The following TNNT2 variants were observed in gnomAD, a reference collection of about 807,000 sequenced individuals.
The protein encoded by TNNT2 is troponin T, cardiac muscle.
In TNNT2, 34 loss-of-function variants were observed where a neutral mutation model predicts 62.4. That is an observed-to-expected ratio of 0.54 (90% CI 0.41 to 0.72). TNNT2 has a LOEUF of 0.72. Ranked by LOEUF, TNNT2 falls within the 30% of genes least tolerant of loss-of-function variation. The pLI is 0.00. For synonymous variants in TNNT2, 123 were observed against 127.2 expected, an observed-to-expected ratio of 0.97 and a Z score of 0.22; for missense variants, 275 against 381.9, an observed-to-expected ratio of 0.72 and a Z score of 2.33.
chr1:201,369,751 G>A, intron 5 of TNNT2, 65 bp downstream of exon 5: 2 of 1,608,548 alleles, frequency 1.2e-6, no homozygotes, highest in Non-Finnish European at 1.7e-6. Context: ...AGGGCCCCTG[G>A]ACAAGGAGGC....
chr1:201,366,980 A>C, intron 7 of TNNT2, 109 bp from the exon 8 acceptor site: 1 of 1,582,828 alleles, frequency 6.3e-7, no homozygotes, highest in African/African-American at 1.3e-5. Context: ...CCATCTGCAC[A>C]GTGAGTCCCT....
intron 15 of TNNT2, 28 bp from the exon 16 acceptor site, chr1:201,359,691 G>A (rs765447758): frequency 6.3e-7 from 1 of 1,575,172 alleles, no homozygotes; most frequent in South Asian, 1.2e-5. Context: ...AGGACAAAGA[G>A]CAACGCTGGA....
chr1:201,368,369 G>T (rs1258595894), intron 5 of TNNT2, 142 bp from the exon 6 acceptor site: 2 of 812,238 alleles, frequency 2.5e-6, no homozygotes, highest in African/African-American at 1.7e-5. Context: ...CAACCAACGT[G>T]CTGGGGGGCT....
intron 12 of TNNT2, 137 bp downstream of exon 12, chr1:201,363,159 G>T: frequency 6.4e-7 from 1 of 1,573,986 alleles, no homozygotes. Context: ...TGGGCATGAG[G>T]AGACCTCAGT....
chr1:201,371,707 C>CATT (rs1276994344), intron 4 of TNNT2, among the ~76,000 whole-genome samples: 1 of 151,690 alleles, frequency 6.6e-6, no homozygotes, highest in Non-Finnish European at 1.5e-5. Flanking sequence ...CAGGGGGGGC[C>CATT]ATTATTATTA....
At chr1:201,376,154 C>A (rs1046111598) in intron 1 of TNNT2, among the ~76,000 whole-genome samples, 1 of 152,164 alleles carries the variant, frequency 6.6e-6, no homozygotes, top group African/African-American at 2.4e-5. Flanking sequence ...AGCTTTCTAG[C>A]CTAATGCATT....
At chr1:201,362,147 T>C in intron 13 of TNNT2, 125 bp from the exon 14 acceptor site, 1 of 1,225,934 alleles carries the variant, frequency 8.2e-7, no homozygotes, top group Non-Finnish European at 1.2e-6. Context: ...CTCTTCTTCC[T>C]GCCACACCCC....
Position 201,372,088 on chromosome 1 carries a change from G to C in TNNT2, c.53-47C>G, listed in dbSNP as rs45553832. 1,233 of 1,614,076 alleles carry C rather than the reference G, an allele frequency of 7.6e-4. 11 individuals carry two copies. In the African/African-American group the frequency reaches 9.6e-3, roughly 13 times the overall value. ...GCAGCAAGAGAAGAGAGAAGAGGTG[G>C]GTCAGTTTCGAACCAGGCTGTCTTT... On this transcript the variant is annotated intron_variant, in intron 3 of 16. Transcript: ENST00000656932.
rs1275297239 is a variant in TNNT2, at chr1:201,365,193, T to G, written c.409A>C (p.Ile137Leu). The G allele has an allele frequency of 6.2e-7, 1 of 1,613,194 alleles. No individual in the cohort carries two copies. Among genetic ancestry groups the G allele is most frequent in the Non-Finnish European group, 8.5e-7 (1 of 1,179,126 alleles). ...EEELVSLKDRIERRRAERAEQ... is the reference protein window; with the variant it reads ...EEELVSLKDRLERRRAERAEQ... ...AGGTGGGCAGACTGGACACCTACGA[T>G]CCTGTCTTTGAGAGAAACGAGCTCC... Residue 137 changes from isoleucine to leucine, a missense_variant and splice_region_variant, in exon 10 of 17, where the codon ATC becomes CTC. Ile to Leu is a conservative substitution (Grantham distance 5). Coordinates refer to ENST00000656932, the MANE Select transcript of TNNT2 (RefSeq NM_001276345.2).
chr1:201,374,380 G>A (rs1440561909), intron 1 of TNNT2: 5 of 152,080 alleles, frequency 3.3e-5, no homozygotes, highest in African/African-American at 4.8e-5. Context: ...GTGTTTAGGC[G>A]AGTCTTTTTA....
chr1:201,372,052 G>T lies in TNNT2; in HGVS notation c.53-11C>A. 1 of 265,692 alleles carries T rather than the reference G, an allele frequency of 3.8e-6. No homozygotes were observed. The highest frequency in any genetic ancestry group is 5.7e-6 in the Non-Finnish European group (1 of 176,192). The allele number at this position is 265,692 out of a possible 1,614,324, so 16.5% of individuals were successfully genotyped here. ...CTTCAACAGCTGCTTCTGCTCAGAA[G>T]AGAAGTCCAGGCAGCAAGAGAAGAG... is the stretch of plus-strand genomic sequence containing the variant. On this transcript the variant is annotated splice_polypyrimidine_tract_variant and intron_variant, in intron 3 of 16. Transcript: ENST00000656932.
chr1:201,368,614 G>C (rs972105849), intron 5 of TNNT2, among the ~76,000 whole-genome samples: 2 of 152,198 alleles, frequency 1.3e-5, no homozygotes, highest in Non-Finnish European at 2.9e-5. Context: ...GAAACCAAAA[G>C]AGTACGACTG....
intron 1 of TNNT2, chr1:201,373,555 G>A (rs1660969099): frequency 4.2e-6 from 2 of 478,490 alleles, no homozygotes; most frequent in Non-Finnish European, 3.8e-6. Flanking sequence ...TCAAGACAAT[G>A]TCTGCAGTTT....
rs3730243 is a variant in TNNT2 at position 201,359,385 on chromosome 1, A to G, written c.852-130T>C. ...GAGCTGCCTCCAGGGGCAGAATAGG[A>G]CAGCAGCCTGAGGCTGGAGGGAAGC... On this transcript the variant is annotated intron_variant, in intron 16 of 16. Coordinates refer to ENST00000656932, the MANE Select transcript of TNNT2 (RefSeq NM_001276345.2). 1.0e-3 allele frequency: 1,242 copies of G among 1,203,568 alleles called. 13 individuals are homozygous for G. The African/African-American group carries it at 0.012, about 11-fold the overall frequency. The allele number at this position is 1,203,568 out of a possible 1,614,324, so 74.6% of individuals were successfully genotyped here.
At chr1:201,377,152 T>C (rs1453844576) in intron 1 of TNNT2, among the ~76,000 whole-genome samples, 1 of 152,182 alleles carries the variant, frequency 6.6e-6, no homozygotes, top group African/African-American at 2.4e-5. Context: ...GGCTGCAGTC[T>C]CGCTCTGCTC....
intron 15 of TNNT2, 39 bp from the exon 16 acceptor site, chr1:201,359,702 G>A (rs1306857844): frequency 6.4e-7 from 1 of 1,562,412 alleles, no homozygotes; most frequent in African/African-American, 1.4e-5. Flanking sequence ...CAACGCTGGA[G>A]CTGACTGGCT....
intron 11 of TNNT2, 22 bp from the exon 12 acceptor site, chr1:201,363,428 G>T: frequency 6.2e-7 from 1 of 1,610,066 alleles, no homozygotes; most frequent in African/African-American, 1.3e-5. Context: ...CAGGGAGGAA[G>T]AAAGCAAATT....
chr1:201,373,688 C>A, intron 1 of TNNT2: 1 of 272,990 alleles, frequency 3.7e-6, no homozygotes, highest in Non-Finnish European at 7.1e-6. Flanking sequence ...ATTCTCCCAC[C>A]TCAGCCTCCT....
chr1:201,363,602 G>A (rs927094720), intron 11 of TNNT2, 196 bp from the exon 12 acceptor site: 1 of 591,928 alleles, frequency 1.7e-6, no homozygotes, highest in Non-Finnish European at 3.0e-6. Flanking sequence ...GTGATTGAAT[G>A]AGGTCCTGAT....
Sources: allele counts gnomAD v4.1 joint callset (sites outside exome capture counted in the v4.1 genomes callset), GRCh38; gene constraint gnomAD v4.1.1; transcripts MANE v1.5; gene names NCBI Gene and HGNC (gene_info 2026-07-23, HGNC 2026-07-21).